NPL: variants seen among roughly 807,000 people sequenced by gnomAD.
The protein encoded by NPL is N-acetylneuraminate pyruvate lyase.
Under a neutral mutation model 41.1 loss-of-function variants are expected in NPL, and 32 were observed. The ratio of observed to expected loss-of-function variants is 0.78; its 90% CI spans 0.59 to 1.05. NPL has a LOEUF of 1.05. NPL is among the 50% of genes least tolerant of loss of function. The pLI, the probability that NPL is intolerant of heterozygous loss-of-function variation, is 0.00. For synonymous variants in NPL, 128 were observed against 134.9 expected (o/e 0.95, Z 0.35); for missense variants, 321 against 378.4 (o/e 0.85, Z 1.26).
chr1:182,826,562 G>A (rs570599698), intron 12 of NPL: 1 of 152,348 alleles, frequency 6.6e-6, no homozygotes, highest in East Asian at 1.9e-4. Flanking sequence ...CATTCTTGCA[G>A]GGTTCTCAAC....
chr1:182,819,313 G>A (rs1365823744), intron 10 of NPL, among the ~76,000 whole-genome samples: 1 of 152,212 alleles, frequency 6.6e-6, no homozygotes, highest in African/African-American at 2.4e-5. Context: ...GGGCATGGTG[G>A]CGGGCGCCTG....
Position 182,806,143 on chromosome 1 carries a change from A to G in NPL, c.143-2A>G. The G allele has an allele frequency of 6.2e-7, 1 of 1,614,212 alleles. No homozygotes were observed. Among genetic ancestry groups the G allele is most frequent in the Non-Finnish European group, 8.5e-7 (1 of 1,180,036 alleles). On this transcript the variant is annotated splice_acceptor_variant, in intron 4 of 12. Transcript: ENST00000367553. LOFTEE classifies it high-confidence loss of function. ...CTGCTGACTTACTCTTTGTTTGAAC[A>G]GTGAATGGCACAACAGGAGAAGGCC... is the stretch of plus-strand genomic sequence containing the variant.
chr1:182,820,888 A>C (rs1667470090), intron 10 of NPL, among the ~76,000 whole-genome samples: 1 of 151,934 alleles, frequency 6.6e-6, no homozygotes, highest in Non-Finnish European at 1.5e-5. Context: ...TCACCATTAA[A>C]CCTTTTTCCG....
At position 182,816,698 on chromosome 1, in the gene NPL, C is replaced by T. The variant is rs1360179369; in HGVS notation, c.365-16C>T. 11 of 1,589,790 alleles carry T rather than the reference C, an allele frequency of 6.9e-6. No homozygotes were observed. Among genetic ancestry groups the T allele is most frequent in the Non-Finnish European group, 8.6e-6 (10 of 1,158,972 alleles). ...TACACCTGTTCACACCATGACTGTT[C>T]CTACTGTTCTTTCAGATATCCTGAT... On this transcript the variant is annotated splice_polypyrimidine_tract_variant and intron_variant, in intron 7 of 12. Transcript: ENST00000367553.
chr1:182,800,468 A>G (rs1666810907), intron 3 of NPL, among the ~76,000 whole-genome samples: 1 of 149,478 alleles, frequency 6.7e-6, no homozygotes, highest in South Asian at 2.1e-4. Context: ...AAACGGACAG[A>G]ATCCTCAAGG....
chr1:182,801,248 T>A (rs542283045), intron 3 of NPL, among the ~76,000 whole-genome samples: 2 of 152,290 alleles, frequency 1.3e-5, no homozygotes, highest in African/African-American at 4.8e-5. Flanking sequence ...TCTTGTAGGT[T>A]AGGGGCATTT....
rs1007641813 is a variant in NPL at position 182,830,146 on chromosome 1, G to A, written c.*1238G>A. The stretch of plus-strand genomic sequence containing the variant: ...TCAAAATGGAAATTTGAAATTATAA[G>A]TAGACTTCAATTATCTTTGCTAATC... On this transcript the variant is annotated 3_prime_UTR_variant, in exon 13 of 13. Transcript: ENST00000367553. 2 of 152,304 alleles carry A rather than the reference G, an allele frequency of 1.3e-5. No individual in the cohort carries two copies. Among genetic ancestry groups the A allele is most frequent in the Non-Finnish European group, 2.9e-5 (2 of 68,166 alleles). 9.4% of individuals were successfully genotyped at this position (152,304 alleles called of 1,614,324 possible). A position where few individuals can be genotyped will look rare whatever the true frequency, so the allele number is the denominator to read the frequency against.
intron 4 of NPL, among the ~76,000 whole-genome samples, chr1:182,804,119 CTT>C (rs1207240838): frequency 1.3e-5 from 2 of 152,076 alleles, no homozygotes; most frequent in Non-Finnish European, 2.9e-5. Context: ...ACTAAACACT[CTT>C]CTCTCTTTTG....
chr1:182,814,761 G>C, intron 6 of NPL, 22 bp from the exon 7 acceptor site: 1 of 1,602,210 alleles, frequency 6.2e-7, no homozygotes, highest in Non-Finnish European at 8.6e-7. Context: ...GCTCCAATAT[G>C]GTCTTCTTTC....
In NPL at chr1:182,829,853, C is replaced by T; in HGVS notation, c.*945C>T. On this transcript the variant is annotated 3_prime_UTR_variant, in exon 13 of 13. Transcript: ENST00000367553. ...AGGACTCAGAACTTTCTCTCCATAC[C>T]TCCTTTTACTCTTTTCTTTCTGTGT... 2 of 552,278 alleles carry T rather than the reference C, an allele frequency of 3.6e-6. No individual in the cohort carries two copies. The highest frequency in any genetic ancestry group is 7.0e-4 in the Middle Eastern group (2 of 2,872). The allele number at this position is 552,278 out of a possible 1,614,324, so 34.2% of individuals were successfully genotyped here.
In NPL at chr1:182,827,359, A is replaced by G. The variant is rs149898349; in HGVS notation, c.779-1365A>G. Among the ~76,000 whole-genome samples, 22 of 152,318 alleles carry G rather than the reference A, an allele frequency of 1.4e-4. No individual in the cohort carries two copies. The East Asian group carries it at 3.7e-3, about 25-fold the overall frequency. ...ACCTGATCTTCCATTTGCCTCTCCAATCTGAAGGCTTTGTCTTTCTTTAGT... is the reference window on the plus strand; with the variant it reads ...ACCTGATCTTCCATTTGCCTCTCCAGTCTGAAGGCTTTGTCTTTCTTTAGT... On this transcript the variant is annotated intron_variant, in intron 12 of 12. Coordinates refer to ENST00000367553, the MANE Select transcript of NPL (RefSeq NM_030769.3).
At chr1:182,801,772 G>A (rs1666853804) in intron 3 of NPL, among the ~76,000 whole-genome samples, 2 of 152,086 alleles carry the variant, frequency 1.3e-5, no homozygotes, top group African/African-American at 4.8e-5. Flanking sequence ...GGAGGTCAAG[G>A]CTTGCAGTGA....
At chr1:182,810,646 T>G (rs1304145884) in intron 5 of NPL, among the ~76,000 whole-genome samples, 1 of 152,184 alleles carries the variant, frequency 6.6e-6, no homozygotes, top group Non-Finnish European at 1.5e-5. Context: ...TTCTGTAGTT[T>G]TGCAGCATTA....
chr1:182,790,074 C>T lies in NPL; in HGVS notation c.-72+269C>T, dbSNP rs565731183. On this transcript the variant is annotated intron_variant, in intron 1 of 12. Coordinates refer to ENST00000367553, the MANE Select transcript of NPL (RefSeq NM_030769.3). Reference sequence around the variant, plus strand: ...TCTGCCGGGTCTCCAAAGGTCCTTTCCTCAAAATAGAGTTAGCAATTGAGC... The same window carrying T: ...TCTGCCGGGTCTCCAAAGGTCCTTTTCTCAAAATAGAGTTAGCAATTGAGC... 3.9e-5 allele frequency among the ~76,000 whole-genome samples: 6 copies of T among 152,336 alleles called. No homozygotes were observed. The South Asian group carries it at 1.2e-3, about 32-fold the overall frequency.
chr1:182,809,557 A>AG (rs1472240870), intron 5 of NPL, among the ~76,000 whole-genome samples: 4 of 150,814 alleles, frequency 2.7e-5, no homozygotes, highest in African/African-American at 9.8e-5. Flanking sequence ...AAAAAAAAAA[A>AG]GTTGAGAAGC....
chr1:182,808,959 T>TAA (rs61310123), intron 5 of NPL, among the ~76,000 whole-genome samples: 3,330 of 118,264 alleles, frequency 0.028, 163 homozygotes, highest in African/African-American at 0.096. Flanking sequence ...AACCCTGTCT[T>TAA]AAAAAAAAAA....
At chr1:182,803,530 AG>A (rs869270026) in intron 3 of NPL, among the ~76,000 whole-genome samples, 167 bp from the exon 4 acceptor site, 1 of 147,114 alleles carries the variant, frequency 6.8e-6, no homozygotes, top group Admixed American at 6.6e-5. Flanking sequence ...CACCAGATTC[AG>A]GGGGGGAAAA....
rs1667003624 is a variant in NPL, at chr1:182,806,192, C to T, written c.190C>T (p.Arg64Cys). 3 of 1,614,164 alleles carry T rather than the reference C, an allele frequency of 1.9e-6. No individual in the cohort carries two copies. The highest frequency in any genetic ancestry group is 8.5e-7 in the Non-Finnish European group (1 of 1,180,034). Residue 64 changes from arginine (R) to cysteine (C), a missense_variant, in exon 5 of 13, where the codon CGC (arginine) becomes TGC (cysteine). Coordinates refer to ENST00000367553, the MANE Select transcript of NPL (RefSeq NM_030769.3). Reference protein sequence around the residue: ...EGLSLSVSERRQVAEEWVTKG... With the variant: ...EGLSLSVSERCQVAEEWVTKG... ...CCTGTCCCTGAGCGTCTCAGAGCGT[C>T]GCCAGGTTGCAGAGGAGTGGGTGAC...
At chr1:182,790,064 A>G (rs1215201627) in intron 1 of NPL, among the ~76,000 whole-genome samples, 1 of 152,224 alleles carries the variant, frequency 6.6e-6, no homozygotes, top group East Asian at 1.9e-4. Context: ...CGGGTCTCCA[A>G]AGGTCCTTTC....
Sources: allele counts gnomAD v4.1 joint callset (sites outside exome capture counted in the v4.1 genomes callset), GRCh38; gene constraint gnomAD v4.1.1; transcripts MANE v1.5; gene names NCBI Gene and HGNC (gene_info 2026-07-23, HGNC 2026-07-21).